The following GLCE variants were observed in gnomAD, a reference collection of about 807,000 sequenced individuals.
The protein encoded by GLCE is glucuronic acid epimerase, also known as D-glucuronyl C5-epimerase.
GLCE carries 19 observed loss-of-function variants against 47.9 expected under a neutral mutation model. The observed-to-expected ratio is 0.40, with a 90% confidence interval of 0.28 to 0.58. The LOEUF is 0.58. Ranked by LOEUF, GLCE falls within the 20% of genes least tolerant of loss-of-function variation. GLCE has a pLI of 0.48. For missense variants in GLCE, 556 were observed against 743.3 expected (o/e 0.75, Z 2.93); for synonymous variants, 245 against 263.4 (o/e 0.93, Z 0.68).
chr15:69,193,386 A>G (rs1404432669), intron 1 of GLCE, among the ~76,000 whole-genome samples: 2 of 152,094 alleles, frequency 1.3e-5, no homozygotes, highest in African/African-American at 4.8e-5. Context: ...CAGAAGTGGA[A>G]ATCTCCCTAT....
At chr15:69,252,775 A>T (rs952141503) in intron 2 of GLCE, among the ~76,000 whole-genome samples, 7 of 148,156 alleles carry the variant, frequency 4.7e-5, no homozygotes, top group Non-Finnish European at 7.5e-5. Flanking sequence ...TGAAGGATTT[A>T]AAAAAAAAAA....
intron 1 of GLCE, among the ~76,000 whole-genome samples, chr15:69,167,681 T>C (rs557261830): frequency 1.3e-5 from 2 of 152,286 alleles, no homozygotes; most frequent in East Asian, 1.9e-4. Context: ...TAACCATGAG[T>C]AGTATAACTT....
At chr15:69,213,733 A>C (rs1180432732) in intron 2 of GLCE, among the ~76,000 whole-genome samples, 1 of 152,276 alleles carries the variant, frequency 6.6e-6, no homozygotes, top group East Asian at 1.9e-4. Context: ...TTTAGCATTT[A>C]TAGGTAGATC....
intron 4 of GLCE, among the ~76,000 whole-genome samples, chr15:69,267,031 G>A (rs962095853): frequency 1.3e-5 from 2 of 148,744 alleles, no homozygotes; most frequent in African/African-American, 5.0e-5. Flanking sequence ...TTTAAAATTT[G>A]TACTACGTAT....
chr15:69,256,319 TG>T lies in GLCE; in HGVS notation c.515del (p.Gly172ValfsTer20). The T allele has an allele frequency of 6.2e-7, 1 of 1,614,014 alleles. No homozygotes were observed. Among genetic ancestry groups the T allele is most frequent in the South Asian group, 1.1e-5 (1 of 91,072 alleles). On this transcript the variant is annotated frameshift_variant, in exon 3 of 5. Transcript: ENST00000261858. LOFTEE classifies it high-confidence loss of function. ...CACAGAGAGCCCCCTATCACCCCGA[TG>T]GTGTGTTTATGTCTTTTGAAGGCTA... ...YAQRAPYHPD[G>X]VFMSFEGYNV...
intron 2 of GLCE, among the ~76,000 whole-genome samples, chr15:69,235,375 T>C (rs1045584895): frequency 6.9e-6 from 1 of 144,228 alleles, no homozygotes; most frequent in African/African-American, 2.9e-5. Context: ...CCCAAAGTGC[T>C]GGGATTACAG....
intron 1 of GLCE, among the ~76,000 whole-genome samples, chr15:69,179,483 ATG>A (rs2051720311): frequency 6.6e-6 from 1 of 152,162 alleles, no homozygotes; most frequent in Non-Finnish European, 1.5e-5. Context: ...CACTCATTGT[ATG>A]TGTGTAATTG....
Position 69,271,544 on chromosome 15 carries a change from T to G in GLCE, c.*2300T>G, listed in dbSNP as rs1023971287. 6.5e-6 allele frequency: 1 copy of G among 152,674 alleles called. No individual in the cohort carries two copies. The highest frequency in any genetic ancestry group is 1.5e-5 in the Non-Finnish European group (1 of 68,042). 9.5% of individuals were successfully genotyped at this position (152,674 alleles called of 1,614,324 possible). ...ACAACTACAGAATTTTCTAGGGTTTTAAATTATGTAAAATGTTTACTTATT... is the reference window on the plus strand; with the variant it reads ...ACAACTACAGAATTTTCTAGGGTTTGAAATTATGTAAAATGTTTACTTATT... On this transcript the variant is annotated 3_prime_UTR_variant, in exon 5 of 5. Coordinates refer to ENST00000261858, the MANE Select transcript of GLCE (RefSeq NM_015554.3).
chr15:69,185,888 TC>T (rs2051815677), intron 1 of GLCE, among the ~76,000 whole-genome samples: 1 of 152,122 alleles, frequency 6.6e-6, no homozygotes, highest in South Asian at 2.1e-4. Context: ...CTCTGGAACT[TC>T]TGACCAACTG....
At chr15:69,216,131 C>T (rs1370212236) in intron 2 of GLCE, among the ~76,000 whole-genome samples, 3 of 151,994 alleles carry the variant, frequency 2.0e-5, no homozygotes, top group African/African-American at 7.2e-5. Flanking sequence ...TAGATTGCAT[C>T]GTAGGAATCT....
intron 1 of GLCE, among the ~76,000 whole-genome samples, chr15:69,184,345 G>A (rs570297171): frequency 2.0e-5 from 3 of 152,142 alleles, no homozygotes; most frequent in African/African-American, 7.2e-5. Flanking sequence ...AGTCTCTCAG[G>A]AATACCCAAA....
At chr15:69,196,583 G>A (rs2051995627) in intron 1 of GLCE, 2 of 164,158 alleles carry the variant, frequency 1.2e-5, no homozygotes, top group Non-Finnish European at 2.6e-5. Context: ...TTGCAAAGGA[G>A]ACGAGAGCCG....
At chr15:69,245,549 C>T (rs2140424558) in intron 2 of GLCE, among the ~76,000 whole-genome samples, 1 of 152,106 alleles carries the variant, frequency 6.6e-6, no homozygotes, top group Admixed American at 6.5e-5. Context: ...ATGAAGTTTG[C>T]CACATAGAAT....
chr15:69,192,810 C>T (rs2051932874), intron 1 of GLCE, among the ~76,000 whole-genome samples: 1 of 152,124 alleles, frequency 6.6e-6, no homozygotes, highest in Non-Finnish European at 1.5e-5. Flanking sequence ...TCTGGAGTCA[C>T]TCATGGCTGC....
chr15:69,249,251 A>G (rs1047670539), intron 2 of GLCE, among the ~76,000 whole-genome samples: 7 of 152,148 alleles, frequency 4.6e-5, no homozygotes, highest in African/African-American at 1.2e-4. Flanking sequence ...TTAACTGTCA[A>G]TCTTCAATTC....
chr15:69,244,760 C>G (rs1054029320), intron 2 of GLCE, among the ~76,000 whole-genome samples: 1 of 152,122 alleles, frequency 6.6e-6, no homozygotes, highest in Non-Finnish European at 1.5e-5. Context: ...ATTTTTTTAT[C>G]AGATTTAAGT....
At chr15:69,221,862 CAAAAA>C (rs35986310) in intron 2 of GLCE, among the ~76,000 whole-genome samples, 3 of 87,440 alleles carry the variant, frequency 3.4e-5, no homozygotes, top group East Asian at 3.3e-4. Context: ...GACGCTGTCT[CAAAAA>C]AAAAAAAAAA....
chr15:69,248,262 A>G (rs2052783273), intron 2 of GLCE, among the ~76,000 whole-genome samples: 1 of 152,234 alleles, frequency 6.6e-6, no homozygotes, highest in African/African-American at 2.4e-5. Flanking sequence ...GATATTTAAC[A>G]ATTTGACTGT....
chr15:69,223,575 G>A (rs1369772438), intron 2 of GLCE, among the ~76,000 whole-genome samples: 1 of 152,020 alleles, frequency 6.6e-6, no homozygotes, highest in Non-Finnish European at 1.5e-5. Context: ...CATGCTACTT[G>A]GAGTTTGTTG....
Sources: allele counts gnomAD v4.1 joint callset (sites outside exome capture counted in the v4.1 genomes callset), GRCh38; gene constraint gnomAD v4.1.1; transcripts MANE v1.5; gene names NCBI Gene and HGNC (gene_info 2026-07-23, HGNC 2026-07-21).